Variants in ZNF618 observed in about 807,000 individuals in gnomAD.
ZNF618 encodes neural precursor cell expressed, developmentally down-regulated 10.
Under a neutral mutation model 103.0 loss-of-function variants are expected in ZNF618, and 34 were observed. That is an observed-to-expected ratio of 0.33 (90% confidence interval 0.25 to 0.44). The LOEUF is 0.44. Among genes scored for constraint, ZNF618 ranks in the 20% least tolerant of loss-of-function variants. The pLI is 1.00. For missense variants in ZNF618, 1,059 were observed against 1,295.4 expected, an observed-to-expected ratio of 0.82 and a Z score of 2.80; for synonymous variants, 551 against 542.2, an observed-to-expected ratio of 1.02 and a Z score of -0.23.
At chr9:113,988,660 C>T (rs985739623) in intron 3 of ZNF618, 80 bp downstream of exon 3, 17 of 1,481,296 alleles carry the variant, frequency 1.1e-5, no homozygotes, top group East Asian at 4.9e-5. Flanking sequence ...AGCGGCCTGG[C>T]GCCTCTGCCC....
rs112032414 is a variant in ZNF618, at chr9:113,952,517, A to G, written c.34-16600A>G. Among the ~76,000 whole-genome samples, 1,070 of 152,302 alleles carry G rather than the reference A, an allele frequency of 7.0e-3. 15 individuals carry two copies. Among genetic ancestry groups the G allele is most frequent in the African/African-American group, 0.024 (999 of 41,546 alleles). ...GTTTGGGGGTGCAGTCTGACTCCTC[A>G]TAGTCCTCTCATTGCATTCCCTTTT... On this transcript the variant is annotated intron_variant, in intron 1 of 14. Coordinates refer to ENST00000374126, the MANE Select transcript of ZNF618 (RefSeq NM_001318042.2).
chr9:113,999,265 G>C (rs1182360174), intron 4 of ZNF618, among the ~76,000 whole-genome samples: 2 of 151,682 alleles, frequency 1.3e-5, no homozygotes, highest in Non-Finnish European at 2.9e-5. Flanking sequence ...GCTGATCGAG[G>C]GGCAGGCGGG....
intron 1 of ZNF618, among the ~76,000 whole-genome samples, chr9:113,912,796 TC>T (rs1831674078): frequency 6.6e-6 from 1 of 152,062 alleles, no homozygotes; most frequent in Non-Finnish European, 1.5e-5. Flanking sequence ...CCAAGACAGA[TC>T]CCACCCCCCT....
At chr9:113,985,355 C>A (rs1204870997) in intron 2 of ZNF618, among the ~76,000 whole-genome samples, 1 of 152,222 alleles carries the variant, frequency 6.6e-6, no homozygotes, top group Non-Finnish European at 1.5e-5. Context: ...CCAGGGGATC[C>A]CCTTTTCTTG....
rs767255436 is a variant in ZNF618 at position 114,048,832 on chromosome 9, G to A, written c.1530G>A (p.Ser510=). 9.9e-6 allele frequency: 16 copies of A among 1,611,466 alleles called. No homozygotes were observed. The highest frequency in any genetic ancestry group is 5.0e-5 in the Admixed American group (3 of 59,488). ...VDSGARYGAF[S]VTEILGNFNT... is the part of the protein sequence containing the mutation. The stretch of plus-strand genomic sequence containing the variant: ...GTGGTGCCCGCTATGGGGCCTTCTC[G>A]GTCACTGAAATCCTGGGCAACTTCA... Residue 510 remains serine (S), a synonymous_variant, in exon 15 of 15, where the codon TCG becomes TCA. Coordinates refer to ENST00000374126, the MANE Select transcript of ZNF618 (RefSeq NM_001318042.2).
chr9:113,938,203 T>C (rs1029206750), intron 1 of ZNF618, among the ~76,000 whole-genome samples: 1 of 136,080 alleles, frequency 7.3e-6, no homozygotes, highest in Non-Finnish European at 1.5e-5. Context: ...AGGGTCTTGC[T>C]CTGTTGCCCA....
chr9:113,876,398 C>A lies in ZNF618; in HGVS notation c.18C>A (p.Gly6=). Residue 6 remains glycine, a synonymous_variant, in exon 1 of 15, where the codon GGC becomes GGA. Coordinates refer to ENST00000374126, the MANE Select transcript of ZNF618 (RefSeq NM_001318042.2). MNQPG[G]AAAPQADGAS... is the part of the protein sequence containing the mutation. ...ACGGACCCATGAACCAGCCGGGCGG[C>A]GCGGCGGCTCCGCAGGTACGACGGG... 8.3e-7 allele frequency: 1 copy of A among 1,198,904 alleles called. No homozygotes were observed. The highest frequency in any genetic ancestry group is 1.0e-6 in the Non-Finnish European group (1 of 967,254). The allele number at this position is 1,198,904 out of a possible 1,614,324, so 74.3% of individuals were successfully genotyped here.
At chr9:114,030,763 G>A (rs114888756) in intron 11 of ZNF618, 8 of 152,234 alleles carry the variant, frequency 5.3e-5, no homozygotes, top group Non-Finnish European at 7.3e-5. Flanking sequence ...GCACGTCCCT[G>A]TATGGGATTT....
chr9:113,924,716 T>C (rs1832929472), intron 1 of ZNF618, among the ~76,000 whole-genome samples: 1 of 151,930 alleles, frequency 6.6e-6, no homozygotes, highest in South Asian at 2.1e-4. Flanking sequence ...ATGTTGATAA[T>C]TGTATTTTCA....
intron 13 of ZNF618, among the ~76,000 whole-genome samples, chr9:114,047,541 G>A (rs901820533): frequency 3.7e-4 from 57 of 152,254 alleles, no homozygotes; most frequent in African/African-American, 1.3e-3. Context: ...GAACTCTGTG[G>A]TTGTGTGCAG....
rs943392399 is a variant in ZNF618 at position 113,969,657 on chromosome 9, G to A, written c.77+497G>A. ...TCAAGGATGGCAGGAGAGGGGAGAG[G>A]GGTGGTCCCCAATAGAGAACTGGAC... On this transcript the variant is annotated intron_variant, in intron 2 of 14. Transcript: ENST00000374126. Among the ~76,000 whole-genome samples, 44 of 152,188 alleles carry A rather than the reference G, an allele frequency of 2.9e-4. 1 individual carries two copies. Among genetic ancestry groups the A allele is most frequent in the African/African-American group, 9.9e-4 (41 of 41,448 alleles).
chr9:113,926,847 T>A (rs1247495008), intron 1 of ZNF618, among the ~76,000 whole-genome samples: 2 of 152,128 alleles, frequency 1.3e-5, no homozygotes, highest in Non-Finnish European at 2.9e-5. Flanking sequence ...ACCCTGTCTT[T>A]ACAAAAAATA....
At chr9:113,964,750 CTTTTTTTTTTTT>C (rs765191153) in intron 1 of ZNF618, among the ~76,000 whole-genome samples, 1 of 98,488 alleles carries the variant, frequency 1.0e-5, no homozygotes, top group Non-Finnish European at 2.1e-5. Context: ...CTCCTTTCTG[CTTTTTTTTTTTT>C]TTTTTTTTTT....
chr9:113,999,238 G>A (rs1015399833), intron 4 of ZNF618, among the ~76,000 whole-genome samples: 2 of 151,426 alleles, frequency 1.3e-5, no homozygotes, highest in Admixed American at 6.6e-5. Context: ...AGGGGCAGGC[G>A]GGGCCCTGGG....
At chr9:114,016,912 CTT>C (rs1341090007) in intron 10 of ZNF618, 128 bp downstream of exon 10, 2 of 700,760 alleles carry the variant, frequency 2.9e-6, no homozygotes, top group Non-Finnish European at 2.4e-6. Context: ...CTGGGTCAGT[CTT>C]TAGGTATTAT....
At chr9:113,959,869 A>T (rs1411607084) in intron 1 of ZNF618, among the ~76,000 whole-genome samples, 1 of 152,150 alleles carries the variant, frequency 6.6e-6, no homozygotes, top group East Asian at 1.9e-4. Flanking sequence ...TCGGCCTCCC[A>T]AAGTGCTGGG....
intron 1 of ZNF618, among the ~76,000 whole-genome samples, chr9:113,936,874 T>C (rs954708514): frequency 5.9e-5 from 9 of 152,182 alleles, no homozygotes; most frequent in African/African-American, 2.2e-4. Context: ...TTTTTGTGTG[T>C]TTTTTCCAAG....
chr9:113,984,775 G>T (rs1839304947), intron 2 of ZNF618, among the ~76,000 whole-genome samples: 1 of 152,196 alleles, frequency 6.6e-6, no homozygotes, highest in Non-Finnish European at 1.5e-5. Context: ...TGAGGTCTTA[G>T]CTAGGAAATG....
chr9:114,045,830 A>T (rs1321123875), intron 13 of ZNF618, among the ~76,000 whole-genome samples: 2 of 151,754 alleles, frequency 1.3e-5, no homozygotes, highest in East Asian at 3.9e-4. Flanking sequence ...GGACTGAAAG[A>T]CTTAATATTT....
Sources: gnomAD v4.1 joint callset for allele counts (sites outside exome capture counted in the v4.1 genomes callset) on GRCh38, gnomAD v4.1.1 for gene constraint, MANE v1.5 for transcripts, NCBI Gene and HGNC (gene_info 2026-07-23, HGNC 2026-07-21) for gene names.